EPHB1: variants seen among roughly 807,000 people sequenced by gnomAD.
The protein encoded by EPHB1 is EPH receptor B1, also known as ephrin type-B receptor 1.
EPHB1 carries 30 observed loss-of-function variants against 94.4 expected under a neutral mutation model. The observed-to-expected ratio is 0.32, with a 90% confidence interval of 0.24 to 0.43. The LOEUF (loss-of-function observed/expected upper bound fraction) is 0.43, where lower values mean the gene tolerates loss of function less well. Among genes scored for constraint, EPHB1 ranks in the 20% least tolerant of loss-of-function variants. EPHB1 has a pLI of 1.00. For missense variants in EPHB1, 1,055 were observed against 1,308.3 expected (o/e 0.81, Z 2.99); for synonymous variants, 522 against 489.1 (o/e 1.07, Z -0.89).
At chr3:135,084,768 GT>G (rs1938288966) in intron 3 of EPHB1, among the ~76,000 whole-genome samples, 1 of 152,124 alleles carries the variant, frequency 6.6e-6, no homozygotes, top group Admixed American at 6.5e-5. Context: ...ACTTGCAGTT[GT>G]TTTTGCTATT....
chr3:135,032,353 C>T (rs72975529), intron 3 of EPHB1, among the ~76,000 whole-genome samples: 7,202 of 146,308 alleles, frequency 0.049, 558 homozygotes, highest in African/African-American at 0.17. Context: ...TTTATATTAG[C>T]TTTTATTTTT....
intron 11 of EPHB1, among the ~76,000 whole-genome samples, chr3:135,193,152 T>C (rs931956736): frequency 6.6e-6 from 1 of 152,184 alleles, no homozygotes; most frequent in African/African-American, 2.4e-5. Flanking sequence ...CCTGTGTGAT[T>C]CATGCAGACA....
intron 1 of EPHB1, among the ~76,000 whole-genome samples, chr3:134,918,701 A>C (rs905596172): frequency 6.6e-6 from 1 of 151,984 alleles, no homozygotes; most frequent in Non-Finnish European, 1.5e-5. Context: ...TCACTGCTAC[A>C]TTGTCTTCAT....
chr3:135,029,093 T>A (rs369989095), intron 3 of EPHB1, among the ~76,000 whole-genome samples: 7 of 107,550 alleles, frequency 6.5e-5, no homozygotes, highest in Middle Eastern at 4.2e-3. Flanking sequence ...TCTTCCTCCA[T>A]CCTTTTATTT....
intron 12 of EPHB1, among the ~76,000 whole-genome samples, chr3:135,210,434 A>G (rs1156870854): frequency 1.3e-5 from 2 of 152,248 alleles, no homozygotes; most frequent in African/African-American, 2.4e-5. Flanking sequence ...GCATACAAAC[A>G]GAAACAAAAC....
At chr3:134,797,654 C>T (rs1227007301) in intron 1 of EPHB1, among the ~76,000 whole-genome samples, 1 of 152,198 alleles carries the variant, frequency 6.6e-6, no homozygotes, top group Non-Finnish European at 1.5e-5. Context: ...CTTGGCTAGC[C>T]AGAGGTCCCT....
At chr3:135,080,713 G>C (rs573181756) in intron 3 of EPHB1, among the ~76,000 whole-genome samples, 12 of 152,272 alleles carry the variant, frequency 7.9e-5, no homozygotes, top group African/African-American at 2.9e-4. Context: ...CCTGTACTTT[G>C]ATCAGGCTTG....
chr3:135,159,321 G>A (rs1941447028), intron 6 of EPHB1, among the ~76,000 whole-genome samples: 1 of 152,216 alleles, frequency 6.6e-6, no homozygotes, highest in Admixed American at 6.5e-5. Flanking sequence ...GGACTATAAA[G>A]TGATTATGGA....
At chr3:135,000,979 C>T (rs1260405093) in intron 3 of EPHB1, among the ~76,000 whole-genome samples, 3 of 152,186 alleles carry the variant, frequency 2.0e-5, no homozygotes, top group Non-Finnish European at 4.4e-5. Flanking sequence ...CTCCCCTCCT[C>T]ATCTCATTTT....
chr3:134,859,920 C>G (rs1358327884), intron 1 of EPHB1, among the ~76,000 whole-genome samples: 1 of 152,010 alleles, frequency 6.6e-6, no homozygotes, highest in Non-Finnish European at 1.5e-5. Context: ...TACATAACCT[C>G]TATAATTTTC....
chr3:135,184,082 G>T (rs1559865925), intron 10 of EPHB1, among the ~76,000 whole-genome samples: 2 of 152,202 alleles, frequency 1.3e-5, no homozygotes, highest in South Asian at 2.1e-4. Flanking sequence ...CTGCATTTAA[G>T]TGACTAAGCT....
intron 1 of EPHB1, among the ~76,000 whole-genome samples, chr3:134,893,921 C>T (rs73222693): frequency 0.063 from 9,559 of 152,242 alleles, 338 homozygotes; most frequent in South Asian, 0.15. Context: ...AACTGTGGAC[C>T]CAACTGAGCA....
intron 2 of EPHB1, among the ~76,000 whole-genome samples, chr3:134,934,616 G>A (rs554095231): frequency 1.1e-4 from 16 of 152,006 alleles, no homozygotes; most frequent in South Asian, 4.2e-4. Context: ...CAGATGACCC[G>A]TGTTGTGCAG....
rs372671900 is a variant in EPHB1 at position 134,925,899 on chromosome 3, G to A, written c.123+19G>A. ...GTCCGGGGTGAGTATCAAACCATTC[G>A]TCTTTCAGTCCTGCTATGAGGTCCT... On this transcript the variant is annotated intron_variant, in intron 2 of 15. Transcript: ENST00000398015. 85 of 1,587,070 alleles carry A rather than the reference G, an allele frequency of 5.4e-5. No individual in the cohort carries two copies. The highest frequency in any genetic ancestry group is 9.1e-5 in the East Asian group (4 of 43,776).
At chr3:135,019,294 G>A (rs1046883705) in intron 3 of EPHB1, among the ~76,000 whole-genome samples, 1 of 152,070 alleles carries the variant, frequency 6.6e-6, no homozygotes, top group African/African-American at 2.4e-5. Context: ...TGTATCTGGG[G>A]TCCCTTAGGC....
At chr3:134,884,958 G>A (rs1223086015) in intron 1 of EPHB1, among the ~76,000 whole-genome samples, 2 of 152,216 alleles carry the variant, frequency 1.3e-5, no homozygotes, top group African/African-American at 4.8e-5. Context: ...TGGAGTGGAT[G>A]TAATGACTCC....
At chr3:134,974,859 A>AG in intron 3 of EPHB1, among the ~76,000 whole-genome samples, 1 of 104,876 alleles carries the variant, frequency 9.5e-6, no homozygotes, top group African/African-American at 4.8e-5. Flanking sequence ...CCAGCACGGG[A>AG]GGGGCTCTCA....
At chr3:135,027,650 C>T (rs1936239381) in intron 3 of EPHB1, among the ~76,000 whole-genome samples, 1 of 151,846 alleles carries the variant, frequency 6.6e-6, no homozygotes, top group Admixed American at 6.6e-5. Context: ...CATCAATGTT[C>T]ATCAAGGATA....
intron 3 of EPHB1, among the ~76,000 whole-genome samples, chr3:134,971,286 A>G (rs1372274810): frequency 2.0e-5 from 3 of 152,208 alleles, no homozygotes; most frequent in South Asian, 2.1e-4. Flanking sequence ...TTCTCTGCAA[A>G]TGGAGCTCCT....
Sources: gnomAD v4.1 joint callset for allele counts (sites outside exome capture counted in the v4.1 genomes callset) on GRCh38, gnomAD v4.1.1 for gene constraint, MANE v1.5 for transcripts, NCBI Gene and HGNC (gene_info 2026-07-23, HGNC 2026-07-21) for gene names.